Variants in ONECUT2 observed in about 807,000 individuals in gnomAD.
ONECUT2 encodes one cut homeobox 2.
In ONECUT2, 10 loss-of-function variants were observed where a neutral mutation model predicts 27.9. The observed-to-expected ratio is 0.36, with a 90% CI of 0.22 to 0.61. The LOEUF (loss-of-function observed/expected upper bound fraction) is 0.61. Among genes scored for constraint, ONECUT2 ranks in the 20% least tolerant of loss-of-function variants. ONECUT2 has a pLI of 0.73. For missense variants in ONECUT2, 686 were observed against 721.0 expected, an observed-to-expected ratio of 0.95 and a Z score of 0.56; for synonymous variants, 334 against 315.1, an observed-to-expected ratio of 1.06 and a Z score of -0.64.
intron 1 of ONECUT2, among the ~76,000 whole-genome samples, chr18:57,444,209 AT>A (rs2050190177): frequency 6.6e-6 from 1 of 152,248 alleles, no homozygotes; most frequent in South Asian, 2.1e-4. Flanking sequence ...TGCTGCTCCA[AT>A]TGTAGATATT....
In ONECUT2 at chr18:57,435,723, G is replaced by A. The variant is rs1280053335; in HGVS notation, c.7G>A (p.Ala3Thr). 1 of 1,237,558 alleles carries A rather than the reference G, an allele frequency of 8.1e-7. No homozygotes were observed. The highest frequency in any genetic ancestry group is 1.0e-6 in the Non-Finnish European group (1 of 956,810). 76.7% of individuals were successfully genotyped at this position (1,237,558 alleles called of 1,614,324 possible). A position where few individuals can be genotyped will look rare whatever the true frequency, so the allele number is the denominator to read the frequency against. ...CCGGGCCCTGATGGACTGAATGAAG[G>A]CTGCCTACACCGCCTATCGATGCCT... Reference protein sequence around the residue: MKAAYTAYRCLTK... With the variant: MKTAYTAYRCLTK... The change falls in exon 1 of 2, where the codon GCT becomes ACT. Residue 3 changes from alanine (A) to threonine (T), a missense_variant. Coordinates refer to ENST00000491143, the MANE Select transcript of ONECUT2 (RefSeq NM_004852.3).
chr18:57,444,606 A>G (rs924782092), intron 1 of ONECUT2, among the ~76,000 whole-genome samples: 1 of 152,258 alleles, frequency 6.6e-6, no homozygotes, highest in Non-Finnish European at 1.5e-5. Flanking sequence ...TCTGCTAGGG[A>G]ATCTGTTGTA....
rs147542626 is a variant in ONECUT2 at position 57,467,587 on chromosome 18, G to A, written c.1229-8850G>A. Among the ~76,000 whole-genome samples the A allele has an allele frequency of 5.3e-3, 812 of 151,880 alleles. 4 individuals are homozygous for A. Among genetic ancestry groups the A allele is most frequent in the African/African-American group, 0.019 (782 of 41,406 alleles). On this transcript the variant is annotated intron_variant, in intron 1 of 1. Transcript: ENST00000491143. Reference sequence around the variant, plus strand: ...TCACCATGTTATCCAGGATAGCCTCGATCTCCTGACCTCGTGATCCACCCG... The same window carrying A: ...TCACCATGTTATCCAGGATAGCCTCAATCTCCTGACCTCGTGATCCACCCG...
rs2050446475 is a variant in ONECUT2 at position 57,488,038 on chromosome 18, T to G, written c.*11315T>G. ...AGCAGCAGTCTGCTATGCAAAATAT[T>G]GGAAATCACTGACAGTGTAGCATTC... On this transcript the variant is annotated 3_prime_UTR_variant, in exon 2 of 2. Coordinates refer to ENST00000491143, the MANE Select transcript of ONECUT2 (RefSeq NM_004852.3). 1 of 152,350 alleles carries G rather than the reference T, an allele frequency of 6.6e-6. No individual in the cohort carries two copies. The highest frequency in any genetic ancestry group is 2.4e-5 in the African/African-American group (1 of 41,444). The allele number at this position is 152,350 out of a possible 1,614,324, so 9.4% of individuals were successfully genotyped here. A position where few individuals can be genotyped will look rare whatever the true frequency, so the allele number is the denominator to read the frequency against.
rs562332497 is a variant in ONECUT2 at position 57,435,435 on chromosome 18, G to A, written c.-282G>A. Among the ~76,000 whole-genome samples, 1 of 151,680 alleles carries A rather than the reference G, an allele frequency of 6.6e-6. No individual in the cohort carries two copies. The highest frequency in any genetic ancestry group is 2.1e-4 in the South Asian group (1 of 4,816). On this transcript the variant is annotated 5_prime_UTR_variant, in exon 1 of 2. Coordinates refer to ENST00000491143, the MANE Select transcript of ONECUT2 (RefSeq NM_004852.3). ...AAGACGTCGGCGCCGGAGCGGGCTC[G>A]GACATGGCGAGGCTGCGAGCCGGCC...
Position 57,478,829 on chromosome 18 carries a change from C to T in ONECUT2, c.*2106C>T, listed in dbSNP as rs149755616. 4.1e-3 allele frequency: 623 copies of T among 152,550 alleles called. 2 individuals are homozygous for T. The highest frequency in any genetic ancestry group is 6.4e-3 in the Non-Finnish European group (432 of 68,022). The allele number at this position is 152,550 out of a possible 1,614,324, so 9.4% of individuals were successfully genotyped here. ...TCTTGCCTGGCTAAAATACTAATAG[C>T]GCCATTGAACTGTATAAAGGTAATC... On this transcript the variant is annotated 3_prime_UTR_variant, in exon 2 of 2. Coordinates refer to ENST00000491143, the MANE Select transcript of ONECUT2 (RefSeq NM_004852.3).
chr18:57,446,005 A>T (rs2050198957), intron 1 of ONECUT2, among the ~76,000 whole-genome samples: 1 of 152,194 alleles, frequency 6.6e-6, no homozygotes, highest in Admixed American at 6.5e-5. Flanking sequence ...TTGTTTACTC[A>T]ATTGGAGCTC....
chr18:57,471,074 G>A (rs1220186676), intron 1 of ONECUT2, among the ~76,000 whole-genome samples: 2 of 152,312 alleles, frequency 1.3e-5, no homozygotes, highest in South Asian at 2.1e-4. Context: ...AGGACACCAC[G>A]GGGCCTTTTC....
intron 1 of ONECUT2, among the ~76,000 whole-genome samples, chr18:57,460,855 A>AT (rs1447881499): frequency 1.3e-5 from 2 of 151,466 alleles, no homozygotes; most frequent in Non-Finnish European, 3.0e-5. Context: ...CACCTGGCTA[A>AT]TTTTTTTGTA....
chr18:57,464,497 G>A (rs1015841985), intron 1 of ONECUT2, among the ~76,000 whole-genome samples: 2 of 151,176 alleles, frequency 1.3e-5, no homozygotes, highest in Admixed American at 6.6e-5. Flanking sequence ...TAGGCATGTT[G>A]TTTTGTTTTG....
At position 57,452,942 on chromosome 18, in the gene ONECUT2, C is replaced by T. The variant is rs184057125; in HGVS notation, c.1228+15998C>T. ...TAAAGAAGCAAGTTGGAAGGGATAT[C>T]AAAAAGATCAAAATGTTTGCGCATT... On this transcript the variant is annotated intron_variant, in intron 1 of 1. Transcript: ENST00000491143. 2.7e-3 allele frequency among the ~76,000 whole-genome samples: 418 copies of T among 152,260 alleles called. 2 individuals are homozygous for T. Among genetic ancestry groups the T allele is most frequent in the Admixed American group, 5.2e-3 (79 of 15,298 alleles).
At chr18:57,455,730 A>C (rs1407874762) in intron 1 of ONECUT2, among the ~76,000 whole-genome samples, 1 of 152,122 alleles carries the variant, frequency 6.6e-6, no homozygotes, top group African/African-American at 2.4e-5. Context: ...GGAGAAAGGG[A>C]AGCCTGCAGT....
chr18:57,460,666 C>T (rs1398475611), intron 1 of ONECUT2, among the ~76,000 whole-genome samples: 1 of 149,664 alleles, frequency 6.7e-6, no homozygotes, highest in Non-Finnish European at 1.5e-5. Flanking sequence ...ACATAGGGCA[C>T]AGAGTTCTAT....
In ONECUT2 at chr18:57,442,535, G is replaced by A. The variant is rs146522687; in HGVS notation, c.1228+5591G>A. On this transcript the variant is annotated intron_variant, in intron 1 of 1. Transcript: ENST00000491143. ...GTTCCTAGTCAGAAAGTGCCCTACC[G>A]GACCCTTTTAAACTACAATGAGATA... is the stretch of plus-strand genomic sequence containing the variant. Among the ~76,000 whole-genome samples, 301 of 152,150 alleles carry A rather than the reference G, an allele frequency of 2.0e-3. 3 individuals are homozygous for A. The highest frequency in any genetic ancestry group is 7.0e-3 in the African/African-American group (290 of 41,518).
At chr18:57,474,103 A>C (rs2050368707) in intron 1 of ONECUT2, among the ~76,000 whole-genome samples, 2 of 152,198 alleles carry the variant, frequency 1.3e-5, no homozygotes, top group African/African-American at 4.8e-5. Flanking sequence ...AGACAATATG[A>C]ATACTTTTAG....
chr18:57,469,111 A>G (rs1226853988), intron 1 of ONECUT2, among the ~76,000 whole-genome samples: 1 of 152,218 alleles, frequency 6.6e-6, no homozygotes, highest in Non-Finnish European at 1.5e-5. Flanking sequence ...CATAACCCCA[A>G]TTGACTGCCT....
rs35937482 is a variant in ONECUT2, at chr18:57,437,193, AC to A, written c.1228+258del. On this transcript the variant is annotated intron_variant, in intron 1 of 1. Coordinates refer to ENST00000491143, the MANE Select transcript of ONECUT2 (RefSeq NM_004852.3). ...CTTGTCCCTGAGCTTTCATTGACCG[AC>A]CCCCCCCCATTTCATTCGCCCTCCC... Among the ~76,000 whole-genome samples, 1,334 of 145,760 alleles carry A rather than the reference AC, an allele frequency of 9.2e-3. 18 individuals carry two copies. The highest frequency in any genetic ancestry group is 0.023 in the African/African-American group (924 of 39,508).
At chr18:57,467,553 G>A (rs766796170) in intron 1 of ONECUT2, among the ~76,000 whole-genome samples, 8 of 151,790 alleles carry the variant, frequency 5.3e-5, no homozygotes, top group South Asian at 2.1e-4. Context: ...TTTTAGTAGA[G>A]ACAGGGTTTC....
At chr18:57,437,199 C>G (rs2050147654) in intron 1 of ONECUT2, among the ~76,000 whole-genome samples, 1 of 152,032 alleles carries the variant, frequency 6.6e-6, no homozygotes, top group Non-Finnish European at 1.5e-5. Flanking sequence ...ACCGACCCCC[C>G]CCCATTTCAT....
Sources: allele counts gnomAD v4.1 joint callset (sites outside exome capture counted in the v4.1 genomes callset), GRCh38; gene constraint gnomAD v4.1.1; transcripts MANE v1.5; gene names NCBI Gene and HGNC (gene_info 2026-07-23, HGNC 2026-07-21).